Variants in CATSPERB observed in about 807,000 individuals in gnomAD.
The protein encoded by CATSPERB is catsper channel auxiliary subunit beta, also known as cation channel sperm-associated auxiliary subunit beta.
A neutral mutation model predicts 128.3 loss-of-function variants in CATSPERB; 93 were observed. That is an observed-to-expected ratio of 0.72 (90% confidence interval 0.61 to 0.86). CATSPERB has a LOEUF of 0.86. CATSPERB is among the 40% of genes least tolerant of loss of function. The probability of loss-of-function intolerance (pLI) is 0.00; values close to 1 mark genes in which losing one functional copy is unlikely to be tolerated. For missense variants in CATSPERB, 1,153 were observed against 1,329.5 expected (o/e 0.87, Z 2.06); for synonymous variants, 381 against 448.8 (o/e 0.85, Z 1.91).
chr14:91,713,548 G>A (rs571710714), intron 5 of CATSPERB, among the ~76,000 whole-genome samples: 373 of 152,186 alleles, frequency 2.5e-3, no homozygotes, highest in Non-Finnish European at 4.2e-3. Flanking sequence ...AAACAACTCC[G>A]TGTCCGTAGA....
intron 14 of CATSPERB, among the ~76,000 whole-genome samples, chr14:91,664,904 G>A (rs932329530): frequency 6.6e-6 from 1 of 152,060 alleles, no homozygotes; most frequent in Non-Finnish European, 1.5e-5. Flanking sequence ...TTTTGTGTGT[G>A]TGTGAGATCA....
intron 10 of CATSPERB, 134 bp from the exon 11 acceptor site, chr14:91,684,077 C>T (rs1025226693): frequency 5.3e-6 from 3 of 568,286 alleles, no homozygotes; most frequent in Non-Finnish European, 9.1e-6. Flanking sequence ...AAATTGTATG[C>T]AAATAAAAGA....
intron 17 of CATSPERB, among the ~76,000 whole-genome samples, chr14:91,630,845 A>T (rs1894262285): frequency 1.3e-5 from 2 of 152,316 alleles, no homozygotes; most frequent in South Asian, 4.1e-4. Context: ...AAGAAAATTT[A>T]CACTCTTCCT....
At position 91,595,613 on chromosome 14, in the gene CATSPERB, C is replaced by G. The variant is rs115736726; in HGVS notation, c.2710-3611G>C. Among the ~76,000 whole-genome samples, 1,005 of 152,258 alleles carry G rather than the reference C, an allele frequency of 6.6e-3. 11 individuals are homozygous for G. The highest frequency in any genetic ancestry group is 0.022 in the African/African-American group (910 of 41,552). ...AGAAAATGGCATTCTTTACTAAGCA[C>G]AGGTCAGAAACCCTGTACAGGGACT... is the stretch of plus-strand genomic sequence containing the variant. On this transcript the variant is annotated intron_variant, in intron 22 of 26. Transcript: ENST00000256343.
rs369634401 is a variant in CATSPERB, at chr14:91,617,565, A to G, written c.2400+32T>C. 1.2e-3 allele frequency: 1,895 copies of G among 1,545,442 alleles called. 29 individuals carry two copies. The South Asian group carries it at 0.022, about 18-fold the overall frequency. On this transcript the variant is annotated intron_variant, in intron 20 of 26. Coordinates refer to ENST00000256343, the MANE Select transcript of CATSPERB (RefSeq NM_024764.4). ...TGTTTCAGAAAATTTTTTCATCAGT[A>G]AGAAATGTTTTGTAAATGAAGAAAA...
At chr14:91,708,277 T>A in intron 5 of CATSPERB, 41 bp from the exon 6 acceptor site, 2 of 1,303,386 alleles carry the variant, frequency 1.5e-6, no homozygotes, top group Non-Finnish European at 2.2e-6. Flanking sequence ...TATTTTTTCA[T>A]ATGTTGTGTT....
In CATSPERB at chr14:91,671,978, C is replaced by A. The variant is rs542630046; in HGVS notation, c.1128+889G>T. 2.3e-3 allele frequency among the ~76,000 whole-genome samples: 345 copies of A among 152,092 alleles called. 1 individual carries two copies. Among genetic ancestry groups the A allele is most frequent in the African/African-American group, 8.0e-3 (332 of 41,446 alleles). On this transcript the variant is annotated intron_variant, in intron 13 of 26. Coordinates refer to ENST00000256343, the MANE Select transcript of CATSPERB (RefSeq NM_024764.4). Reference sequence around the variant, plus strand: ...GAGCTTGCAGTGAGCCGAGATTGCACCACTGCACTCCAGCCTGGGCAACAG... The same window carrying A: ...GAGCTTGCAGTGAGCCGAGATTGCAACACTGCACTCCAGCCTGGGCAACAG...
At chr14:91,729,332 T>G in intron 2 of CATSPERB, 69 bp downstream of exon 2, 1 of 642,924 alleles carries the variant, frequency 1.6e-6, no homozygotes. Context: ...TTTTTTACTG[T>G]AAATAAGGAA....
rs201116940 is a variant in CATSPERB at position 91,723,213 on chromosome 14, A to C, written c.169-24T>G. 1.8e-4 allele frequency: 265 copies of C among 1,483,640 alleles called. 1 individual carries two copies. Among genetic ancestry groups the C allele is most frequent in the Non-Finnish European group, 2.1e-4 (234 of 1,123,596 alleles). The allele number at this position is 1,483,640 out of a possible 1,614,324, so 91.9% of individuals were successfully genotyped here. On this transcript the variant is annotated intron_variant, in intron 3 of 26. Transcript: ENST00000256343. ...TTCTTTAGGAAAGCAAGAAAAAAAA[A>C]AACAACTAATAACCACTTGATGCAG...
In CATSPERB at chr14:91,697,175, C is replaced by T. The variant is rs180973961; in HGVS notation, c.617-3696G>A. 5.3e-5 allele frequency among the ~76,000 whole-genome samples: 8 copies of T among 152,148 alleles called. No individual in the cohort carries two copies. In the East Asian group the frequency reaches 1.5e-3, roughly 29 times the overall value. On this transcript the variant is annotated intron_variant, in intron 7 of 26. Transcript: ENST00000256343. ...GAAATGTCAAAATGAGACTAGCATG[C>T]AATTTTTCCCCAGCAATATTCTGCT... is the stretch of plus-strand genomic sequence containing the variant.
At chr14:91,663,420 C>T (rs963514291) in intron 14 of CATSPERB, among the ~76,000 whole-genome samples, 2 of 151,902 alleles carry the variant, frequency 1.3e-5, no homozygotes, top group Admixed American at 1.3e-4. Context: ...CTGAGGCAGG[C>T]GGATCACGAG....
chr14:91,657,413 C>T (rs1487143013), intron 15 of CATSPERB, among the ~76,000 whole-genome samples: 5 of 151,802 alleles, frequency 3.3e-5, no homozygotes, highest in East Asian at 1.9e-4. Context: ...AACTATAAAA[C>T]GACTAAAAGA....
chr14:91,700,305 T>C (rs916230738), intron 7 of CATSPERB, among the ~76,000 whole-genome samples: 2 of 152,244 alleles, frequency 1.3e-5, no homozygotes, highest in Admixed American at 6.5e-5. Context: ...GCTGGATTCC[T>C]TTTGCTAATA....
At chr14:91,675,287 C>T (rs1478948168) in intron 11 of CATSPERB, among the ~76,000 whole-genome samples, 1 of 152,218 alleles carries the variant, frequency 6.6e-6, no homozygotes, top group Non-Finnish European at 1.5e-5. Context: ...TGGGCATTTT[C>T]CTGGCAGCTG....
At chr14:91,706,393 G>A (rs568973301) in intron 6 of CATSPERB, among the ~76,000 whole-genome samples, 1 of 152,222 alleles carries the variant, frequency 6.6e-6, no homozygotes, top group East Asian at 1.9e-4. Flanking sequence ...TGGACATCAC[G>A]GAGCTGACAA....
At position 91,683,877 on chromosome 14, in the gene CATSPERB, CT is replaced by C. The variant is rs1895328471; in HGVS notation, c.930del (p.Val311LeufsTer14). 6.3e-7 allele frequency: 1 copy of C among 1,598,750 alleles called. No homozygotes were observed. Among genetic ancestry groups the C allele is most frequent in the African/African-American group, 1.3e-5 (1 of 74,294 alleles). On this transcript the variant is annotated frameshift_variant and splice_region_variant, in exon 11 of 27. Coordinates refer to ENST00000256343, the MANE Select transcript of CATSPERB (RefSeq NM_024764.4). LOFTEE classifies it high-confidence loss of function. Reference sequence around the variant, plus strand: ...CAGTATATCTTTAACCAAAATTTACCTTCAAAGTGCTCTCTGTTAGCAAAAC... The same window carrying C: ...CAGTATATCTTTAACCAAAATTTACCTCAAAGTGCTCTCTGTTAGCAAAAC... ...ERCFANREHF[E>X]VDYVTVTFER...
At chr14:91,626,344 T>C (rs929890321) in intron 17 of CATSPERB, among the ~76,000 whole-genome samples, 4 of 147,844 alleles carry the variant, frequency 2.7e-5, no homozygotes, top group African/African-American at 1.0e-4. Flanking sequence ...AATGCAAGAG[T>C]GTTGAGAGGT....
intron 26 of CATSPERB, among the ~76,000 whole-genome samples, chr14:91,582,035 A>C (rs1893214932): frequency 6.6e-6 from 1 of 152,174 alleles, no homozygotes; most frequent in African/African-American, 2.4e-5. Flanking sequence ...CATGCTATAC[A>C]TTCTCTAAAA....
At chr14:91,610,363 CTG>C in intron 21 of CATSPERB, 115 bp downstream of exon 21, 1 of 705,098 alleles carries the variant, frequency 1.4e-6, no homozygotes. Context: ...TAAAAAATAA[CTG>C]TGAAGTGTTT....
Sources: allele counts gnomAD v4.1 joint callset (sites outside exome capture counted in the v4.1 genomes callset), GRCh38; gene constraint gnomAD v4.1.1; transcripts MANE v1.5; gene names NCBI Gene and HGNC (gene_info 2026-07-23, HGNC 2026-07-21).